C2CD5: variants seen among roughly 807,000 people sequenced by gnomAD.
The protein encoded by C2CD5 is C2 domain-containing protein 5.
A neutral mutation model predicts 130.3 loss-of-function variants in C2CD5; 109 were observed. That is an observed-to-expected ratio of 0.84 (90% CI 0.72 to 0.98). The LOEUF (loss-of-function observed/expected upper bound fraction) is 0.98. C2CD5 is among the 50% of genes least tolerant of loss of function. The pLI, the probability that C2CD5 is intolerant of heterozygous loss-of-function variation, is 0.00. For missense variants in C2CD5, 996 were observed against 1,261.8 expected (o/e 0.79, Z 3.19); for synonymous variants, 454 against 429.2 (o/e 1.06, Z -0.71).
At chr12:22,520,090 G>A (rs1300313378) in intron 7 of C2CD5, among the ~76,000 whole-genome samples, 1 of 151,998 alleles carries the variant, frequency 6.6e-6, no homozygotes, top group African/African-American at 2.4e-5. Flanking sequence ...GAAAAAATTT[G>A]GCTAAAAGGA....
intron 3 of C2CD5, among the ~76,000 whole-genome samples, chr12:22,529,595 G>C (rs1951028096): frequency 6.6e-6 from 1 of 152,124 alleles, no homozygotes; most frequent in African/African-American, 2.4e-5. Flanking sequence ...ATTTAGTACA[G>C]TAAATGAAGC....
Position 22,449,729 on chromosome 12 carries a change from AT to A in C2CD5, c.*30del. 6.5e-7 allele frequency: 1 copy of A among 1,532,844 alleles called. No individual in the cohort carries two copies. Among genetic ancestry groups the A allele is most frequent in the South Asian group, 1.2e-5 (1 of 81,262 alleles). The allele number at this position is 1,532,844 out of a possible 1,614,324, so 95.0% of individuals were successfully genotyped here. A position where few individuals can be genotyped will look rare whatever the true frequency, so the allele number is the denominator to read the frequency against. ...AAAATAACAGAGATTGATGAATTTC[AT>A]TTAGTTGAGCTCTTTTTTCCTAATT... is the stretch of plus-strand genomic sequence containing the variant. On this transcript the variant is annotated 3_prime_UTR_variant, in exon 27 of 27. Transcript: ENST00000446597.
At chr12:22,518,779 AATC>A (rs1437719222) in intron 7 of C2CD5, among the ~76,000 whole-genome samples, 2 of 152,270 alleles carry the variant, frequency 1.3e-5, no homozygotes, top group Non-Finnish European at 2.9e-5. Flanking sequence ...TTTAGAATCT[AATC>A]ATCAATTTTA....
intron 22 of C2CD5, among the ~76,000 whole-genome samples, chr12:22,463,129 G>A (rs929570286): frequency 2.7e-5 from 4 of 147,324 alleles, no homozygotes; most frequent in African/African-American, 9.7e-5. Flanking sequence ...GCTCACACCT[G>A]TAATCTCAGC....
chr12:22,481,685 C>G (rs969707665), intron 14 of C2CD5, among the ~76,000 whole-genome samples: 1 of 138,522 alleles, frequency 7.2e-6, no homozygotes, highest in South Asian at 2.4e-4. Context: ...GACAGAGCCT[C>G]ACTCTGTCGC....
At chr12:22,495,066 ATT>A (rs1946836373) in intron 10 of C2CD5, among the ~76,000 whole-genome samples, 1 of 152,104 alleles carries the variant, frequency 6.6e-6, no homozygotes, top group South Asian at 2.1e-4. Flanking sequence ...ATAGAAATGT[ATT>A]TCAGTTTAGA....
intron 8 of C2CD5, among the ~76,000 whole-genome samples, chr12:22,513,942 G>A (rs963585390): frequency 3.3e-5 from 5 of 151,876 alleles, no homozygotes; most frequent in Admixed American, 2.6e-4. Flanking sequence ...ACATGTCAAC[G>A]CTCATTCACA....
At chr12:22,476,977 A>C (rs1943934962) in intron 15 of C2CD5, among the ~76,000 whole-genome samples, 1 of 152,112 alleles carries the variant, frequency 6.6e-6, no homozygotes, top group African/African-American at 2.4e-5. Flanking sequence ...TGCACAGAGA[A>C]CTTTTACAAA....
chr12:22,510,364 C>T (rs1406221177), intron 9 of C2CD5, among the ~76,000 whole-genome samples: 2 of 152,146 alleles, frequency 1.3e-5, no homozygotes, highest in Admixed American at 6.5e-5. Context: ...AAGTTACATG[C>T]TGATGCTTTG....
At chr12:22,519,146 G>C in intron 7 of C2CD5, 1 of 1,535,746 alleles carries the variant, frequency 6.5e-7, no homozygotes, top group Non-Finnish European at 8.7e-7. Context: ...CAGACACAGA[G>C]AAGTTCTGAG....
At chr12:22,472,150 T>A (rs1438624721) in intron 18 of C2CD5, 85 bp from the exon 19 acceptor site, 32 of 892,318 alleles carry the variant, frequency 3.6e-5, no homozygotes, top group Non-Finnish European at 5.8e-5. Context: ...TAATGAACAA[T>A]ACTAACTAAT....
intron 9 of C2CD5, among the ~76,000 whole-genome samples, chr12:22,509,949 A>T (rs1949004552): frequency 6.6e-6 from 1 of 152,322 alleles, no homozygotes; most frequent in Non-Finnish European, 1.5e-5. Flanking sequence ...TCACGCCTGT[A>T]ATCCCAGCAC....
chr12:22,458,834 G>T (rs1940515824), intron 23 of C2CD5: 1 of 277,040 alleles, frequency 3.6e-6, no homozygotes, highest in African/African-American at 2.2e-5. Flanking sequence ...CTCCTAGGGA[G>T]AGCCTGAGTG....
intron 8 of C2CD5, among the ~76,000 whole-genome samples, chr12:22,514,365 T>C (rs780299955): frequency 6.6e-6 from 1 of 152,164 alleles, no homozygotes; most frequent in Admixed American, 6.5e-5. Context: ...AAAATGGTTT[T>C]TCTTATAGTA....
intron 10 of C2CD5, among the ~76,000 whole-genome samples, chr12:22,499,303 C>G (rs892038668): frequency 6.6e-6 from 1 of 152,106 alleles, no homozygotes; most frequent in African/African-American, 2.4e-5. Flanking sequence ...TTATTATACT[C>G]AAAATATCTC....
intron 14 of C2CD5, 28 bp from the exon 15 acceptor site, chr12:22,478,505 A>G: frequency 6.3e-7 from 1 of 1,588,124 alleles, no homozygotes; most frequent in Non-Finnish European, 8.6e-7. Context: ...GGAAATAATC[A>G]GAAAAAATAT....
chr12:22,543,001 C>T (rs1952551197), intron 2 of C2CD5, among the ~76,000 whole-genome samples: 1 of 152,168 alleles, frequency 6.6e-6, no homozygotes, highest in South Asian at 2.1e-4. Flanking sequence ...TAACATCTGG[C>T]ACAAGAGCAC....
chr12:22,508,856 T>A (rs967616076), intron 9 of C2CD5, among the ~76,000 whole-genome samples: 1 of 151,602 alleles, frequency 6.6e-6, no homozygotes, highest in Non-Finnish European at 1.5e-5. Flanking sequence ...TTATATGTAA[T>A]CTTTATACTT....
chr12:22,529,583 A>G (rs188799718), intron 3 of C2CD5, among the ~76,000 whole-genome samples: 59 of 152,366 alleles, frequency 3.9e-4, no homozygotes, highest in African/African-American at 1.4e-3. Context: ...TGAATTAAGA[A>G]TATTTAGTAC....
Sources: allele counts gnomAD v4.1 joint callset (sites outside exome capture counted in the v4.1 genomes callset), GRCh38; gene constraint gnomAD v4.1.1; transcripts MANE v1.5; gene names NCBI Gene and HGNC (gene_info 2026-07-23, HGNC 2026-07-21).